The following GRIK3 variants were observed in gnomAD, a reference collection of about 807,000 sequenced individuals.
GRIK3 encodes the protein glutamate ionotropic receptor kainate type subunit 3.
In GRIK3, 29 loss-of-function variants were observed where a neutral mutation model predicts 102.5. That is an observed-to-expected ratio of 0.28 (90% confidence interval 0.21 to 0.39). GRIK3 has a LOEUF of 0.39. Among genes scored for constraint, GRIK3 ranks in the 10% least tolerant of loss-of-function variants. The pLI, the probability that GRIK3 is intolerant of heterozygous loss-of-function variation, is 1.00. For synonymous variants in GRIK3, 511 were observed against 504.9 expected, an observed-to-expected ratio of 1.01 and a Z score of -0.16; for missense variants, 908 against 1,252.4, an observed-to-expected ratio of 0.73 and a Z score of 4.15.
intron 1 of GRIK3, among the ~76,000 whole-genome samples, chr1:36,998,947 C>T (rs1442437470): frequency 6.6e-6 from 1 of 151,920 alleles, no homozygotes; most frequent in Admixed American, 6.6e-5. Flanking sequence ...CCTCTCTAAC[C>T]TCTGCCCTAC....
At chr1:36,979,283 A>G (rs1295394626) in intron 1 of GRIK3, among the ~76,000 whole-genome samples, 1 of 152,266 alleles carries the variant, frequency 6.6e-6, no homozygotes, top group Non-Finnish European at 1.5e-5. Flanking sequence ...GTTTGGACCA[A>G]TGGCATGTGC....
At chr1:36,804,804 C>T (rs1427699579) in intron 15 of GRIK3, 183 bp downstream of exon 15, 11 of 736,576 alleles carry the variant, frequency 1.5e-5, no homozygotes, top group East Asian at 5.5e-5. Context: ...GGGGCAACGG[C>T]GATGGAAAAA....
intron 1 of GRIK3, among the ~76,000 whole-genome samples, chr1:36,985,110 A>G (rs1179680848): frequency 2.0e-5 from 3 of 152,026 alleles, no homozygotes; most frequent in Non-Finnish European, 4.4e-5. Flanking sequence ...CATGCGGGCA[A>G]GGGCTCTCAG....
At chr1:36,861,290 A>G (rs1327698033) in intron 5 of GRIK3, among the ~76,000 whole-genome samples, 3 of 152,150 alleles carry the variant, frequency 2.0e-5, no homozygotes, top group Admixed American at 2.0e-4. Flanking sequence ...GATTGGCCCT[A>G]TCCCACTAGT....
intron 5 of GRIK3, among the ~76,000 whole-genome samples, chr1:36,868,015 C>T (rs1380202253): frequency 2.6e-5 from 4 of 152,160 alleles, no homozygotes; most frequent in Non-Finnish European, 5.9e-5. Context: ...CAGTACCTTC[C>T]ACGTTAATGC....
intron 1 of GRIK3, among the ~76,000 whole-genome samples, chr1:36,899,899 G>C (rs1426971037): frequency 1.3e-5 from 2 of 152,160 alleles, no homozygotes; most frequent in South Asian, 2.1e-4. Flanking sequence ...GCTCAAAAGA[G>C]AGCATCAGAA....
chr1:36,977,058 C>T (rs1299282974), intron 1 of GRIK3, among the ~76,000 whole-genome samples: 1 of 152,186 alleles, frequency 6.6e-6, no homozygotes, highest in African/African-American at 2.4e-5. Context: ...TCAGTCCCCT[C>T]CCCTCCCCAC....
chr1:36,833,515 C>T (rs61473635), intron 10 of GRIK3, among the ~76,000 whole-genome samples: 2,132 of 152,322 alleles, frequency 0.014, 47 homozygotes, highest in African/African-American at 0.047. Context: ...CTTTCCCCTG[C>T]CCCCAGGTGA....
At chr1:36,859,780 G>A in intron 6 of GRIK3, 64 bp downstream of exon 6, 7 of 1,243,916 alleles carry the variant, frequency 5.6e-6, no homozygotes, top group Non-Finnish European at 7.1e-6. Flanking sequence ...CAAGAGGAAG[G>A]AGAGAAGAAA....
Position 36,886,907 on chromosome 1 carries a change from A to C in GRIK3, c.292+4013T>G, listed in dbSNP as rs571144854. 5.4e-4 allele frequency among the ~76,000 whole-genome samples: 82 copies of C among 152,328 alleles called. No individual in the cohort carries two copies. The South Asian group carries it at 8.7e-3, about 16-fold the overall frequency. ...AATACTATATCTGTGAGGTTCACCT[A>C]TGATGTTGAGTGGAGAAAGTTTATT... On this transcript the variant is annotated intron_variant, in intron 2 of 15. Coordinates refer to ENST00000373091, the MANE Select transcript of GRIK3 (RefSeq NM_000831.4).
At chr1:36,840,208 T>TTTTTTTTTG (rs1640429917) in intron 10 of GRIK3, among the ~76,000 whole-genome samples, 1 of 152,094 alleles carries the variant, frequency 6.6e-6, no homozygotes, top group African/African-American at 2.4e-5. Context: ...ACTGGGCTTT[T>TTTTTTTTTG]ATAAGGATAA....
rs748882465 is a variant in GRIK3, at chr1:36,908,333, G to A, written c.116-17237C>T. On this transcript the variant is annotated intron_variant, in intron 1 of 15. Transcript: ENST00000373091. The stretch of plus-strand genomic sequence containing the variant: ...TGTTGCTGGAGATGGGGAAGGGGAC[G>A]CTGGACCTCATTAACTGCTAAATGG... 3.8e-4 allele frequency among the ~76,000 whole-genome samples: 58 copies of A among 152,278 alleles called. 1 individual carries two copies. The highest frequency in any genetic ancestry group is 6.8e-3 in the Middle Eastern group (2 of 294).
At chr1:36,949,658 T>G (rs1173636260) in intron 1 of GRIK3, among the ~76,000 whole-genome samples, 1 of 137,476 alleles carries the variant, frequency 7.3e-6, no homozygotes, top group South Asian at 2.7e-4. Flanking sequence ...CACTGCAACC[T>G]CTGCCTCCCA....
Position 36,832,185 on chromosome 1 carries a change from G to A in GRIK3, c.1531-6359C>T, listed in dbSNP as rs1640310347. ...TTCTCTGGGTGTTTCCACCCCCTCA[G>A]ACCACGAGCTCAGGAGAGTGAGGCC... On this transcript the variant is annotated intron_variant, in intron 10 of 15. Transcript: ENST00000373091. Among the ~76,000 whole-genome samples the A allele has an allele frequency of 2.6e-5, 4 of 152,326 alleles. No homozygotes were observed. The South Asian group carries it at 8.3e-4, about 32-fold the overall frequency.
intron 1 of GRIK3, among the ~76,000 whole-genome samples, chr1:36,965,083 A>C (rs1423682784): frequency 6.6e-6 from 1 of 152,210 alleles, no homozygotes; most frequent in African/African-American, 2.4e-5. Flanking sequence ...TACCTGAAAA[A>C]GCAGGCTCAA....
chr1:36,978,641 T>C (rs1461932484), intron 1 of GRIK3, among the ~76,000 whole-genome samples: 1 of 152,230 alleles, frequency 6.6e-6, no homozygotes, highest in Non-Finnish European at 1.5e-5. Flanking sequence ...TAGGATGGCC[T>C]CGTTTCATGA....
chr1:36,984,170 A>C (rs1395782148), intron 1 of GRIK3, among the ~76,000 whole-genome samples: 1 of 152,164 alleles, frequency 6.6e-6, no homozygotes, highest in African/African-American at 2.4e-5. Context: ...GGCCACACAC[A>C]TGCTTATGCT....
intron 1 of GRIK3, among the ~76,000 whole-genome samples, chr1:37,018,434 C>A (rs376393869): frequency 7.5e-4 from 114 of 152,300 alleles, no homozygotes; most frequent in African/African-American, 2.6e-3. Context: ...TCATACACCG[C>A]AACCCTTAGA....
In GRIK3 at chr1:36,800,518, A is replaced by T. The variant is rs1253363679; in HGVS notation, c.*1333T>A. On this transcript the variant is annotated 3_prime_UTR_variant, in exon 16 of 16. Transcript: ENST00000373091. ...TCTTCCCCAAGCCCCACAATGCCAT[A>T]GCTGCTCTGGACAACAGACAAGGGG... The T allele has an allele frequency of 2.0e-5, 3 of 152,274 alleles. No individual in the cohort carries two copies. Among genetic ancestry groups the T allele is most frequent in the Non-Finnish European group, 4.4e-5 (3 of 68,068 alleles). 9.4% of individuals were successfully genotyped at this position (152,274 alleles called of 1,614,324 possible). A position where few individuals can be genotyped will look rare whatever the true frequency, so the allele number is the denominator to read the frequency against.
Sources: allele counts gnomAD v4.1 joint callset (sites outside exome capture counted in the v4.1 genomes callset), GRCh38; gene constraint gnomAD v4.1.1; transcripts MANE v1.5; gene names NCBI Gene and HGNC (gene_info 2026-07-23, HGNC 2026-07-21).